SLC15A4: variants seen among roughly 807,000 people sequenced by gnomAD.
SLC15A4 encodes the protein solute carrier family 15 member 4, also known as hPHT1.
Under a neutral mutation model 46.1 loss-of-function variants are expected in SLC15A4, and 26 were observed. That is an observed-to-expected ratio of 0.56 (90% CI 0.41 to 0.78). The LOEUF is 0.78. Among genes scored for constraint, SLC15A4 ranks in the 30% least tolerant of loss-of-function variants. SLC15A4 has a pLI of 0.00. For synonymous variants in SLC15A4, 370 were observed against 333.4 expected (o/e 1.11, Z -1.20); for missense variants, 751 against 755.7 (o/e 0.99, Z 0.07).
chr12:128,807,419 C>T (rs1329162402), intron 5 of SLC15A4, among the ~76,000 whole-genome samples: 2 of 152,220 alleles, frequency 1.3e-5, no homozygotes, highest in African/African-American at 2.4e-5. Context: ...GAAAAGCCTC[C>T]GGAAACCAAG....
rs766403133 is a variant in SLC15A4, at chr12:128,800,969, T to C, written c.1299A>G (p.Lys433=). 1 of 1,613,706 alleles carries C rather than the reference T, an allele frequency of 6.2e-7. No individual in the cohort carries two copies. The highest frequency in any genetic ancestry group is 1.3e-5 in the African/African-American group (1 of 74,912). The change falls in exon 6 of 8, where the codon AAA becomes AAG. Residue 433 remains lysine, a synonymous_variant. Transcript: ENST00000266771. ...CGTTGCCGATGGTCTGATTAATGGT[T>C]TTCTCTTTAACAAGGTTCAGCCTTT... ...ESKRLNLVKE[K]TINQTIGNVV... is the part of the protein sequence containing the mutation.
chr12:128,805,536 AT>A (rs539829451), intron 5 of SLC15A4, among the ~76,000 whole-genome samples: 22 of 151,956 alleles, frequency 1.4e-4, no homozygotes, highest in African/African-American at 3.6e-4. Context: ...ATTATAGGAA[AT>A]TTTTTTTCTT....
At chr12:128,806,038 G>T (rs920216933) in intron 5 of SLC15A4, among the ~76,000 whole-genome samples, 1 of 151,380 alleles carries the variant, frequency 6.6e-6, no homozygotes, top group Non-Finnish European at 1.5e-5. Context: ...GCATGGTGGT[G>T]GGCACCTGTA....
At chr12:128,802,359 A>G (rs1484602561) in intron 5 of SLC15A4, among the ~76,000 whole-genome samples, 1 of 152,100 alleles carries the variant, frequency 6.6e-6, no homozygotes, top group Admixed American at 6.5e-5. Context: ...ACGAAGAATG[A>G]ACTGTGTGAC....
intron 7 of SLC15A4, 150 bp downstream of exon 7, chr12:128,799,109 C>G: frequency 1.3e-6 from 1 of 795,532 alleles, no homozygotes; most frequent in Non-Finnish European, 2.0e-6. Context: ...ATGCAAGCAG[C>G]ACAGAGCAGT....
chr12:128,806,980 T>C (rs1955597564), intron 5 of SLC15A4, among the ~76,000 whole-genome samples: 1 of 141,972 alleles, frequency 7.0e-6, no homozygotes, highest in Non-Finnish European at 1.5e-5. Context: ...CTCGGCTCAC[T>C]GCAACCTCCA....
chr12:128,804,494 G>A (rs1955555816), intron 5 of SLC15A4, among the ~76,000 whole-genome samples: 1 of 152,214 alleles, frequency 6.6e-6, no homozygotes, highest in African/African-American at 2.4e-5. Flanking sequence ...CACTTTGGGA[G>A]GCCAAGGTGG....
At chr12:128,813,158 G>A (rs1329866126) in intron 2 of SLC15A4, 1 of 151,832 alleles carries the variant, frequency 6.6e-6, no homozygotes, top group South Asian at 2.1e-4. Context: ...CCTGGCAAAA[G>A]ACTAGTGTCA....
chr12:128,809,317 G>C, intron 4 of SLC15A4, 79 bp downstream of exon 4: 2 of 900,472 alleles, frequency 2.2e-6, no homozygotes, highest in Non-Finnish European at 3.5e-6. Context: ...ATTTATAAAA[G>C]ATTTACAGTT....
At chr12:128,796,449 AAAAAAAAAAC>A (rs745560457) in intron 7 of SLC15A4, among the ~76,000 whole-genome samples, 31,871 of 94,544 alleles carry the variant, frequency 0.34, 5,157 homozygotes, top group Non-Finnish European at 0.44. Flanking sequence ...AAAAAAAAAA[AAAAAAAAAAC>A]CCACACATCT....
intron 3 of SLC15A4, 113 bp from the exon 4 acceptor site, chr12:128,809,586 A>T: frequency 1.5e-6 from 1 of 674,794 alleles, no homozygotes; most frequent in Non-Finnish European, 2.6e-6. Flanking sequence ...TGACTCCCAG[A>T]AATAGACAAT....
At position 128,814,842 on chromosome 12, in the gene SLC15A4, C is replaced by T. The variant is rs201371924; in HGVS notation, c.775G>A (p.Asp259Asn). ...TKPPDGSAFT[D>N]MFKILTYSCC... ...GAATACGTCAGTATCTTGAACATGT[C>T]GGTGAAGGCACTGCCATCAGGAGGC... Residue 259 changes from aspartate to asparagine, a missense_variant, in exon 2 of 8, where the codon GAC becomes AAC. By Grantham distance (23) the Asp-to-Asn change is conservative (BLOSUM62 1). Coordinates refer to ENST00000266771, the MANE Select transcript of SLC15A4 (RefSeq NM_145648.4). The T allele has an allele frequency of 2.8e-5, 45 of 1,614,052 alleles. No homozygotes were observed. Among genetic ancestry groups the T allele is most frequent in the Admixed American group, 8.3e-5 (5 of 60,000 alleles).
chr12:128,810,829 C>G (rs559931119), intron 2 of SLC15A4, among the ~76,000 whole-genome samples: 1 of 152,266 alleles, frequency 6.6e-6, no homozygotes, highest in Admixed American at 6.5e-5. Context: ...CTTCAGGGCC[C>G]TATTGCACAG....
chr12:128,817,863 G>T (rs1397185613), intron 1 of SLC15A4, among the ~76,000 whole-genome samples: 1 of 152,148 alleles, frequency 6.6e-6, no homozygotes, highest in Non-Finnish European at 1.5e-5. Context: ...TGGCGAGCAG[G>T]CCACAACCTC....
In SLC15A4 at chr12:128,799,402, T is replaced by A; in HGVS notation, c.1430A>T (p.Tyr477Phe). The part of the protein sequence containing the change: ...FASIAGLEFA[Y>F]SAAPKSMQSA... ...CTGCATGGACTTGGGGGCAGCTGAG[T>A]ATGCAAATTCCAGGCCTGAGGAAAG... The change falls in exon 7 of 8, where the codon TAC becomes TTC. Residue 477 changes from tyrosine (Y) to phenylalanine (F), a missense_variant. Physicochemically the swap from Tyr to Phe is conservative, Grantham distance 22 (BLOSUM62 3). Transcript: ENST00000266771. The A allele has an allele frequency of 6.2e-7, 1 of 1,613,936 alleles. No individual in the cohort carries two copies. The highest frequency in any genetic ancestry group is 8.5e-7 in the Non-Finnish European group (1 of 1,179,982).
chr12:128,810,083 A>C lies in SLC15A4; in HGVS notation c.871T>G (p.Ser291Ala), dbSNP rs367863702. 1.2e-6 allele frequency: 2 copies of C among 1,613,152 alleles called. No homozygotes were observed. The highest frequency in any genetic ancestry group is 2.7e-5 in the African/African-American group (2 of 74,938). Reference protein sequence around the residue: ...GEGIGVFQQSSKQSLFDSCKM... With the variant: ...GEGIGVFQQSAKQSLFDSCKM... ...CATGAATCAAACAGACTTTGTTTAG[A>C]AGATTGCTGAAAGACTCCAATGCCT... Residue 291 changes from serine (S) to alanine (A), a missense_variant, in exon 3 of 8, where the codon TCT becomes GCT. Coordinates refer to ENST00000266771, the MANE Select transcript of SLC15A4 (RefSeq NM_145648.4).
At chr12:128,812,606 A>G (rs4760595) in intron 2 of SLC15A4, among the ~76,000 whole-genome samples, 105,568 of 152,082 alleles carry the variant, frequency 0.69, 37,164 homozygotes, top group East Asian at 0.77. Context: ...TTGAGCCACC[A>G]CGCCCAGCCT....
chr12:128,818,230 C>T lies in SLC15A4; in HGVS notation c.547-3160G>A, dbSNP rs149831939. ...GGAAGATACGGCCTGACATGATTTA[C>T]ACGAACATACGTCTCCCTTGGACTC... On this transcript the variant is annotated intron_variant, in intron 1 of 7. Coordinates refer to ENST00000266771, the MANE Select transcript of SLC15A4 (RefSeq NM_145648.4). Among the ~76,000 whole-genome samples the T allele has an allele frequency of 4.0e-4, 61 of 152,146 alleles. 1 individual carries two copies. The highest frequency in any genetic ancestry group is 1.3e-4 in the Non-Finnish European group (9 of 67,988).
intron 1 of SLC15A4, among the ~76,000 whole-genome samples, chr12:128,816,950 A>C (rs541942079): frequency 6.6e-6 from 1 of 152,244 alleles, no homozygotes; most frequent in East Asian, 1.9e-4. Flanking sequence ...TATAGTTAAA[A>C]TTGTGTGTTC....
Sources: gnomAD v4.1 joint callset for allele counts (sites outside exome capture counted in the v4.1 genomes callset) on GRCh38, gnomAD v4.1.1 for gene constraint, MANE v1.5 for transcripts, NCBI Gene and HGNC (gene_info 2026-07-23, HGNC 2026-07-21) for gene names.